LRRFIP2: variants seen among roughly 807,000 people sequenced by gnomAD.
LRRFIP2 encodes LRR binding FLII interacting protein 2.
LRRFIP2 carries 109 observed loss-of-function variants against 125.9 expected under a neutral mutation model. That is an observed-to-expected ratio of 0.87 (90% CI 0.74 to 1.01). LRRFIP2 has a LOEUF of 1.01. Ranked by LOEUF, LRRFIP2 falls within the 50% of genes least tolerant of loss-of-function variation. The probability of loss-of-function intolerance (pLI) is 0.00; values close to 1 mark genes in which losing one functional copy is unlikely to be tolerated. For synonymous variants in LRRFIP2, 291 were observed against 293.1 expected (o/e 0.99, Z 0.07); for missense variants, 850 against 862.3 (o/e 0.99, Z 0.18).
At chr3:37,084,456 G>A (rs1444936824) in intron 18 of LRRFIP2, among the ~76,000 whole-genome samples, 2 of 152,030 alleles carry the variant, frequency 1.3e-5, no homozygotes, top group African/African-American at 4.8e-5. Flanking sequence ...GAGCCCAGGA[G>A]CTCAAGACAA....
intron 13 of LRRFIP2, 26 bp downstream of exon 13, chr3:37,108,047 A>G: frequency 1.2e-6 from 2 of 1,603,222 alleles, no homozygotes; most frequent in Non-Finnish European, 1.7e-6. Flanking sequence ...AATTTCTACA[A>G]AGCATGCAGA....
At chr3:37,116,608 G>A (rs576453821) in intron 6 of LRRFIP2, among the ~76,000 whole-genome samples, 1 of 152,246 alleles carries the variant, frequency 6.6e-6, no homozygotes, top group African/African-American at 2.4e-5. Flanking sequence ...GACTTATGGT[G>A]TAAAATGTAT....
Position 37,124,525 on chromosome 3 carries a change from C to G in LRRFIP2, c.229-2834G>C, listed in dbSNP as rs530567817. Among the ~76,000 whole-genome samples the G allele has an allele frequency of 9.9e-5, 15 of 152,268 alleles. No individual in the cohort carries two copies. In the South Asian group the frequency reaches 1.9e-3, roughly 19 times the overall value. ...CTGGTAGCAACGATATAAAGTGACCCTGGTAGCAATTCTATTTTTAAGAGC... is the reference window on the plus strand; with the variant it reads ...CTGGTAGCAACGATATAAAGTGACCGTGGTAGCAATTCTATTTTTAAGAGC... On this transcript the variant is annotated intron_variant, in intron 4 of 27. Transcript: ENST00000336686.
rs543490452 is a variant in LRRFIP2 at position 37,137,520 on chromosome 3, TTC to T, written c.91-8373_91-8372del. 4.5e-3 allele frequency among the ~76,000 whole-genome samples: 681 copies of T among 152,274 alleles called. 4 individuals carry two copies. Among genetic ancestry groups the T allele is most frequent in the Middle Eastern group, 0.034 (10 of 294 alleles). ...CCTAGGATTTTCAACTTAGCACAGA[TTC>T]TCTCTTTTCTATGAAATAATACTAT... On this transcript the variant is annotated intron_variant, in intron 2 of 27. Transcript: ENST00000336686.
chr3:37,078,847 A>G (rs980680373), intron 19 of LRRFIP2, among the ~76,000 whole-genome samples: 1 of 152,208 alleles, frequency 6.6e-6, no homozygotes, highest in Non-Finnish European at 1.5e-5. Context: ...CACCAGAAGT[A>G]CTTGAGAATC....
In LRRFIP2 at chr3:37,055,651, C is replaced by T. The variant is rs911175062; in HGVS notation, c.1871-486G>A. 2.0e-5 allele frequency among the ~76,000 whole-genome samples: 3 copies of T among 152,198 alleles called. No homozygotes were observed. The South Asian group carries it at 6.2e-4, about 32-fold the overall frequency. ...CCCAGGTTCTGGACTGTATATACTA[C>T]AAGATGCTCTAGCATATATGTTACT... is the stretch of plus-strand genomic sequence containing the variant. On this transcript the variant is annotated intron_variant, in intron 25 of 27. Transcript: ENST00000336686.
At position 37,151,358 on chromosome 3, in the gene LRRFIP2, C is replaced by CA. The variant is rs983606547; in HGVS notation, c.-55-2321dup. Among the ~76,000 whole-genome samples, 425 of 128,824 alleles carry CA rather than the reference C, an allele frequency of 3.3e-3. 1 individual carries two copies. The highest frequency in any genetic ancestry group is 4.1e-3 in the Non-Finnish European group (245 of 60,080). The allele number at this position is 128,824 out of a possible 152,430, so 84.5% of individuals were successfully genotyped here. On this transcript the variant is annotated intron_variant, in intron 1 of 27. Coordinates refer to ENST00000336686, the MANE Select transcript of LRRFIP2 (RefSeq NM_006309.4). Reference sequence around the variant, plus strand: ...TGGGCAACAGAGCAAGACTCCATCTCAAAAAAAAAAAAGGGAACATGACAA... The same window carrying CA: ...TGGGCAACAGAGCAAGACTCCATCTCAAAAAAAAAAAAAGGGAACATGACAA...
rs1577221942 is a variant in LRRFIP2, at chr3:37,135,246, G to A, written c.91-6097C>T. ...GAGTCCAAGGCGGGCTGATCACTAG[G>A]TCAGGAGTTCAAGACCAGCCTGGCC... On this transcript the variant is annotated intron_variant, in intron 2 of 27. Transcript: ENST00000336686. The A allele has an allele frequency of 1.8e-5, 11 of 610,774 alleles. No individual in the cohort carries two copies. In the East Asian group the frequency reaches 3.3e-4, roughly 18 times the overall value. The allele number at this position is 610,774 out of a possible 1,614,324, so 37.8% of individuals were successfully genotyped here.
At chr3:37,079,322 C>T (rs1039449376) in intron 19 of LRRFIP2, among the ~76,000 whole-genome samples, 1 of 152,162 alleles carries the variant, frequency 6.6e-6, no homozygotes, top group Non-Finnish European at 1.5e-5. Context: ...GCATACATTG[C>T]TGGTGTGAGA....
intron 13 of LRRFIP2, among the ~76,000 whole-genome samples, chr3:37,106,843 A>G (rs2094348829): frequency 6.6e-6 from 1 of 152,068 alleles, no homozygotes; most frequent in South Asian, 2.1e-4. Context: ...AAGAATGGTC[A>G]TTGTATAAGT....
chr3:37,092,832 C>G (rs2093523598), intron 17 of LRRFIP2, among the ~76,000 whole-genome samples: 1 of 152,004 alleles, frequency 6.6e-6, no homozygotes, highest in Non-Finnish European at 1.5e-5. Flanking sequence ...TTTTCCAACC[C>G]TACCGACAAT....
chr3:37,167,292 C>A (rs528504876), intron 1 of LRRFIP2, among the ~76,000 whole-genome samples: 1 of 151,728 alleles, frequency 6.6e-6, no homozygotes, highest in Non-Finnish European at 1.5e-5. Context: ...ATCAAAACCA[C>A]AGTGAAATAC....
In LRRFIP2 at chr3:37,173,041, A is replaced by G. The variant is rs148096282; in HGVS notation, c.-56+1498T>C. The G allele has an allele frequency of 4.5e-3, 679 of 152,302 alleles. 4 individuals carry two copies. Among genetic ancestry groups the G allele is most frequent in the Middle Eastern group, 0.034 (10 of 296 alleles). 9.4% of individuals were successfully genotyped at this position (152,302 alleles called of 1,614,324 possible). ...CCCCGTCTCTACTAAAAAATAAAAA[A>G]TAAAAAATTAGCTGGGCATGGTGGC... is the stretch of plus-strand genomic sequence containing the variant. On this transcript the variant is annotated intron_variant, in intron 1 of 27. Transcript: ENST00000336686.
At chr3:37,103,473 CT>C (rs1395069915) in intron 14 of LRRFIP2, among the ~76,000 whole-genome samples, 2 of 152,114 alleles carry the variant, frequency 1.3e-5, no homozygotes, top group African/African-American at 4.8e-5. Flanking sequence ...CACAGTTCCC[CT>C]TTTTTTATAT....
chr3:37,138,878 TAAAG>T lies in LRRFIP2; in HGVS notation c.91-9733_91-9730del, dbSNP rs746785690. Among the ~76,000 whole-genome samples the T allele has an allele frequency of 5.3e-5, 8 of 152,348 alleles. No homozygotes were observed. In the East Asian group the frequency reaches 5.8e-4, roughly 11 times the overall value. On this transcript the variant is annotated intron_variant, in intron 2 of 27. Transcript: ENST00000336686. ...AGTTGAGAACTTTCACCTTTTCACTTAAAGAAAGAATTTTATGGCTTCTCTTTGG... is the reference window on the plus strand; with the variant it reads ...AGTTGAGAACTTTCACCTTTTCACTTAAAGAATTTTATGGCTTCTCTTTGG...
At chr3:37,143,167 T>A (rs1242333062) in intron 2 of LRRFIP2, among the ~76,000 whole-genome samples, 1 of 152,184 alleles carries the variant, frequency 6.6e-6, no homozygotes, top group Admixed American at 6.5e-5. Context: ...TGCCAAACCA[T>A]AAGCCAATTA....
intron 2 of LRRFIP2, among the ~76,000 whole-genome samples, chr3:37,145,342 G>C (rs2095830219): frequency 3.9e-5 from 6 of 152,106 alleles, no homozygotes; most frequent in Admixed American, 3.9e-4. Flanking sequence ...CCAATAAACA[G>C]TATACAAAAA....
chr3:37,069,993 T>C (rs2090883374), intron 21 of LRRFIP2, among the ~76,000 whole-genome samples: 2 of 152,192 alleles, frequency 1.3e-5, no homozygotes, highest in Non-Finnish European at 2.9e-5. Context: ...GATGGAAATG[T>C]TCTGTATCTT....
intron 15 of LRRFIP2, among the ~76,000 whole-genome samples, chr3:37,097,620 A>G (rs998808571): frequency 7.2e-5 from 11 of 152,188 alleles, no homozygotes; most frequent in African/African-American, 2.7e-4. Context: ...ACAGCTTCAT[A>G]GTAGCCTGTT....
Sources: gnomAD v4.1 joint callset for allele counts (sites outside exome capture counted in the v4.1 genomes callset) on GRCh38, gnomAD v4.1.1 for gene constraint, MANE v1.5 for transcripts, NCBI Gene and HGNC (gene_info 2026-07-23, HGNC 2026-07-21) for gene names.